RIF1: variants seen among roughly 807,000 people sequenced by gnomAD.
RIF1 encodes the protein replication timing regulatory factor 1.
A neutral mutation model predicts 247.1 loss-of-function variants in RIF1; 45 were observed. The observed-to-expected ratio is 0.18, with a 90% CI of 0.14 to 0.23. The LOEUF (loss-of-function observed/expected upper bound fraction) is 0.23, where lower values mean the gene tolerates loss of function less well. Ranked by LOEUF, RIF1 falls within the 10% of genes least tolerant of loss-of-function variation. The pLI is 1.00. For missense variants in RIF1, 2,967 were observed against 2,862.5 expected, an observed-to-expected ratio of 1.04 and a Z score of -0.83; for synonymous variants, 1,087 against 978.8, an observed-to-expected ratio of 1.11 and a Z score of -2.06.
At chr2:151,489,959 T>G in intron 9 of RIF1, 2 of 1,528,810 alleles carry the variant, frequency 1.3e-6, no homozygotes, top group South Asian at 2.2e-5. Flanking sequence ...AAGTGAGTTG[T>G]TATTCACTTA....
chr2:151,422,832 T>A lies in RIF1; in HGVS notation c.694-118T>A, dbSNP rs967280694. 56 of 611,872 alleles carry A rather than the reference T, an allele frequency of 9.2e-5. No individual in the cohort carries two copies. The Admixed American group carries it at 1.0e-3, about 11-fold the overall frequency. The allele number at this position is 611,872 out of a possible 1,614,324, so 37.9% of individuals were successfully genotyped here. ...GCACCTGGCCTTGGGTGGGGTAATA[T>A]TTTTATTATGGAGAAAACTATTTGG... On this transcript the variant is annotated intron_variant, in intron 7 of 35. Transcript: ENST00000444746.
intron 9 of RIF1, chr2:151,490,298 C>G (rs1410900295): frequency 6.6e-7 from 1 of 1,509,876 alleles, no homozygotes; most frequent in African/African-American, 1.4e-5. Flanking sequence ...TTTTTGTACT[C>G]AAAGCATCTC....
At position 151,477,716 on chromosome 2, in the gene RIF1, T is replaced by C. The variant is rs1333607562; in HGVS notation, c.*2645T>C. 6.7e-6 allele frequency: 1 copy of C among 148,704 alleles called. No homozygotes were observed. Among genetic ancestry groups the C allele is most frequent in the East Asian group, 2.0e-4 (1 of 5,108 alleles). The allele number at this position is 148,704 out of a possible 1,614,324, so 9.2% of individuals were successfully genotyped here. On this transcript the variant is annotated 3_prime_UTR_variant, in exon 36 of 36. Coordinates refer to ENST00000444746, the MANE Select transcript of RIF1 (RefSeq NM_018151.5). ...TGAGCCACCCCACCTGGCCATTTTC[T>C]TTTTTTTTTGAGGTGGAGTTTTCGC...
chr2:151,427,400 G>A (rs1689290536), intron 8 of RIF1, among the ~76,000 whole-genome samples: 4 of 151,468 alleles, frequency 2.6e-5, no homozygotes, highest in Admixed American at 2.6e-4. Context: ...TAGTAGAGAA[G>A]GGGTTTCTCC....
At chr2:151,505,620 T>A (rs1285522940) in intron 12 of RIF1, 1 of 1,422,708 alleles carries the variant, frequency 7.0e-7, no homozygotes, top group Non-Finnish European at 9.9e-7. Flanking sequence ...TGCTGGACTG[T>A]TATTCTTCCC....
rs1340813281 is a variant in RIF1, at chr2:151,465,079, G to C, written c.5559G>C (p.Glu1853Asp). The C allele has an allele frequency of 6.2e-7, 1 of 1,601,716 alleles. No homozygotes were observed. The change falls in exon 30 of 36, where the codon GAG (glutamate) becomes GAC (aspartate). Residue 1853 changes from glutamate to aspartate, a missense_variant. Glu to Asp is a conservative substitution (Grantham distance 45, BLOSUM62 2). Around this residue, in one of 7 missense-constraint regions of RIF1, gnomAD observed 2,028 missense variants for 1,825.6 expected, o/e 1.11. Coordinates refer to ENST00000444746, the MANE Select transcript of RIF1 (RefSeq NM_018151.5). ...SSEAMSLESQESPNENFKTVG... is the reference protein window; with the variant it reads ...SSEAMSLESQDSPNENFKTVG... ...AAGCAATGTCTCTTGAAAGCCAGGAGTCACCTAATGAAAATTTTAAAACTG... is the reference window on the plus strand; with the variant it reads ...AAGCAATGTCTCTTGAAAGCCAGGACTCACCTAATGAAAATTTTAAAACTG...
Position 151,477,274 on chromosome 2 carries a change from A to G in RIF1, c.*2203A>G, listed in dbSNP as rs2048975459. The stretch of plus-strand genomic sequence containing the variant: ...ATTAGCTCTACTGTGTTGTCTCACT[A>G]TTAAAATGGAATTCGTTTTTTCAGA... On this transcript the variant is annotated 3_prime_UTR_variant, in exon 36 of 36. Transcript: ENST00000444746. 1 of 152,236 alleles carries G rather than the reference A, an allele frequency of 6.6e-6. No homozygotes were observed. The highest frequency in any genetic ancestry group is 1.5e-5 in the Non-Finnish European group (1 of 68,036). 9.4% of individuals were successfully genotyped at this position (152,236 alleles called of 1,614,324 possible).
In RIF1 at chr2:151,464,350, A is replaced by C; in HGVS notation, c.4830A>C (p.Glu1610Asp). The C allele has an allele frequency of 6.2e-7, 1 of 1,610,428 alleles. No individual in the cohort carries two copies. Among genetic ancestry groups the C allele is most frequent in the Non-Finnish European group, 8.5e-7 (1 of 1,178,950 alleles). ...QSHDYKATSEEDVSIKSPICE... is the reference protein window; with the variant it reads ...QSHDYKATSEDDVSIKSPICE... ...ATGATTATAAAGCAACTTCTGAAGA[A>C]GATGTAAGCATAAAATCTCCGATTT... The change falls in exon 30 of 36, where the codon GAA (glutamate) becomes GAC (aspartate). Residue 1610 changes from glutamate to aspartate, a missense_variant. Physicochemically the swap from Glu to Asp is conservative, Grantham distance 45 (BLOSUM62 2). Coordinates refer to ENST00000444746, the MANE Select transcript of RIF1 (RefSeq NM_018151.5).
chr2:151,410,845 G>T (rs16830019), intron 2 of RIF1, among the ~76,000 whole-genome samples: 33,565 of 144,876 alleles, frequency 0.23, 4,602 homozygotes, highest in Admixed American at 0.39. Flanking sequence ...CCGATGTGTT[G>T]GGAAAATGTG....
At chr2:151,504,774 A>T (rs2067461441) in intron 12 of RIF1, among the ~76,000 whole-genome samples, 1 of 152,180 alleles carries the variant, frequency 6.6e-6, no homozygotes, top group South Asian at 2.1e-4. Flanking sequence ...CTTGCTTGAC[A>T]AAAGGTCAGG....
At chr2:151,446,262 G>C (rs112276713) in intron 19 of RIF1, among the ~76,000 whole-genome samples, 164 bp from the exon 20 acceptor site, 3 of 152,302 alleles carry the variant, frequency 2.0e-5, no homozygotes, top group African/African-American at 7.2e-5. Context: ...GCCTCCCAGA[G>C]TGCTGGGGTT....
intron 9 of RIF1, chr2:151,490,332 G>A: frequency 6.4e-7 from 1 of 1,570,616 alleles, no homozygotes. Context: ...CAATGAGCTG[G>A]CCGGGTGGGA....
chr2:151,462,414 A>C lies in RIF1; in HGVS notation c.3311A>C (p.Glu1104Ala), dbSNP rs943573417. The change falls in exon 29 of 36, where the codon GAA (glutamate) becomes GCA (alanine). Residue 1104 changes from glutamate (E) to alanine (A), a missense_variant and splice_region_variant. Transcript: ENST00000444746. Reference sequence around the variant, plus strand: ...ATTCTTACTAATATTTATTTCAGGGAAATTCCTACTTTAACCAGAAAACCA... The same window carrying C: ...ATTCTTACTAATATTTATTTCAGGGCAATTCCTACTTTAACCAGAAAACCA... ...FTQYSQEEPM[E>A]IPTLTRKPKE... 6 of 1,529,300 alleles carry C rather than the reference A, an allele frequency of 3.9e-6. No homozygotes were observed. The highest frequency in any genetic ancestry group is 5.3e-6 in the Non-Finnish European group (6 of 1,126,414). 94.7% of individuals were successfully genotyped at this position (1,529,300 alleles called of 1,614,324 possible). A position where few individuals can be genotyped will look rare whatever the true frequency, so the allele number is the denominator to read the frequency against.
At chr2:151,435,300 C>G (rs1445500541) in intron 10 of RIF1, among the ~76,000 whole-genome samples, 163 bp from the exon 11 acceptor site, 1 of 152,118 alleles carries the variant, frequency 6.6e-6, no homozygotes, top group Non-Finnish European at 1.5e-5. Context: ...TTGTAATGTT[C>G]ATATTTTTTC....
At chr2:151,483,841 G>T (rs1390406631), downstream of RIF1, among the ~76,000 whole-genome samples, 1 of 152,096 alleles carries the variant, frequency 6.6e-6, no homozygotes, top group Admixed American at 6.6e-5. Context: ...AACTGCACAT[G>T]CGAGGGATCT....
the RIF1 span, chr2:151,532,231 T>G: frequency 4.4e-6 from 1 of 227,536 alleles, no homozygotes; most frequent in Non-Finnish European, 8.7e-6. Flanking sequence ...CAAGTTCCAA[T>G]ATGTTTTATA....
chr2:151,446,293 C>G, intron 19 of RIF1, 133 bp from the exon 20 acceptor site: 1 of 846,268 alleles, frequency 1.2e-6, no homozygotes, highest in East Asian at 2.7e-5. Flanking sequence ...GCCACTGCAC[C>G]CGGCCGTTAG....
chr2:151,457,491 C>T (rs1279060533), intron 23 of RIF1, among the ~76,000 whole-genome samples: 2 of 152,050 alleles, frequency 1.3e-5, no homozygotes, highest in Non-Finnish European at 2.9e-5. Context: ...TCTAGGTGAA[C>T]GTATGTAGGT....
the RIF1 span, chr2:151,526,945 G>A: frequency 1.2e-6 from 2 of 1,600,908 alleles, no homozygotes; most frequent in East Asian, 2.2e-5. Context: ...TATTCCTGAG[G>A]GCGAGCACCG....
Sources: allele counts gnomAD v4.1 joint callset (sites outside exome capture counted in the v4.1 genomes callset), GRCh38; gene constraint gnomAD v4.1.1; regional missense constraint gnomAD v4.1.1; transcripts MANE v1.5; gene names NCBI Gene and HGNC (gene_info 2026-07-23, HGNC 2026-07-21).